The following ASIC2 variants were observed in gnomAD, a reference collection of about 807,000 sequenced individuals.
ASIC2 encodes acid-sensing ion channel 2.
A neutral mutation model predicts 57.3 loss-of-function variants in ASIC2; 25 were observed. The observed-to-expected ratio is 0.44, with a 90% CI of 0.32 to 0.61. The LOEUF (loss-of-function observed/expected upper bound fraction) is 0.61, where lower values mean the gene tolerates loss of function less well. ASIC2 is among the 20% of genes least tolerant of loss of function. ASIC2 has a pLI of 0.06. For synonymous variants in ASIC2, 319 were observed against 307.5 expected (o/e 1.04, Z -0.39); for missense variants, 641 against 738.1 (o/e 0.87, Z 1.52).
intron 1 of ASIC2, among the ~76,000 whole-genome samples, chr17:33,228,483 G>T (rs535487476): frequency 6.6e-6 from 1 of 152,228 alleles, no homozygotes; most frequent in African/African-American, 2.4e-5. Context: ...TCACATCCAC[G>T]TGCGCATGGC....
intron 1 of ASIC2, among the ~76,000 whole-genome samples, chr17:33,271,331 C>A (rs73281666): frequency 0.016 from 2,379 of 152,306 alleles, 64 homozygotes; most frequent in African/African-American, 0.054. Context: ...TGACTAAATG[C>A]CACTATTCCA....
At chr17:33,998,014 G>C (rs557110582) in intron 1 of ASIC2, among the ~76,000 whole-genome samples, 34 of 152,090 alleles carry the variant, frequency 2.2e-4, no homozygotes, top group Non-Finnish European at 4.6e-4. Flanking sequence ...GAAGCCATCA[G>C]GTCCCAGGCT....
Position 33,013,836 on chromosome 17 carries a change from C to T in ASIC2, c.*129G>A. The T allele has an allele frequency of 1.2e-6, 1 of 804,732 alleles. No individual in the cohort carries two copies. The highest frequency in any genetic ancestry group is 2.1e-6 in the Non-Finnish European group (1 of 486,732). 49.8% of individuals were successfully genotyped at this position (804,732 alleles called of 1,614,324 possible). The stretch of plus-strand genomic sequence containing the variant: ...GAGCGAGGTCTAGGCAGCTAGTCTG[C>T]AATGTGTGCATAGGGGGCTCTTGCT... On this transcript the variant is annotated 3_prime_UTR_variant, in exon 10 of 10. Transcript: ENST00000225823.
chr17:33,237,621 C>T (rs172770), intron 1 of ASIC2, among the ~76,000 whole-genome samples: 105,089 of 152,098 alleles, frequency 0.69, 36,840 homozygotes, highest in Middle Eastern at 0.81. Context: ...TGTGAGCCAC[C>T]GCGCCCGGCC....
At chr17:33,546,102 T>A (rs1373498112) in intron 1 of ASIC2, among the ~76,000 whole-genome samples, 1 of 151,370 alleles carries the variant, frequency 6.6e-6, no homozygotes, top group African/African-American at 2.4e-5. Flanking sequence ...AGTTTTCTCA[T>A]ATATATGTGC....
chr17:33,949,945 C>A (rs1023942283), intron 1 of ASIC2, among the ~76,000 whole-genome samples: 25 of 152,252 alleles, frequency 1.6e-4, no homozygotes, highest in Admixed American at 4.6e-4. Flanking sequence ...TCAGAGTGTC[C>A]ACTTTCGAAT....
intron 1 of ASIC2, among the ~76,000 whole-genome samples, chr17:34,109,444 A>C (rs1038462967): frequency 6.6e-6 from 1 of 152,042 alleles, no homozygotes; most frequent in Non-Finnish European, 1.5e-5. Context: ...GTTCCAAGAC[A>C]AAGGTAAGTG....
intron 1 of ASIC2, among the ~76,000 whole-genome samples, chr17:33,820,131 T>A (rs544200161): frequency 6.6e-6 from 1 of 152,346 alleles, no homozygotes; most frequent in African/African-American, 2.4e-5. Flanking sequence ...ACTGAATATC[T>A]GGATTTCAAA....
chr17:33,548,406 T>G (rs1915646225), intron 1 of ASIC2, among the ~76,000 whole-genome samples: 2 of 152,212 alleles, frequency 1.3e-5, no homozygotes, highest in African/African-American at 4.8e-5. Context: ...TGTGCAGAAG[T>G]ACATTTCCTT....
rs141759997 is a variant in ASIC2 at position 33,155,628 on chromosome 17, C to T, written c.709-43561G>A. 8.7e-3 allele frequency among the ~76,000 whole-genome samples: 1,252 copies of T among 143,438 alleles called. 9 individuals carry two copies. The highest frequency in any genetic ancestry group is 0.024 in the South Asian group (112 of 4,584). 94.1% of individuals were successfully genotyped at this position (143,438 alleles called of 152,430 possible). A position where few individuals can be genotyped will look rare whatever the true frequency, so the allele number is the denominator to read the frequency against. ...AGGCTGGAGTGCACTGGCAGGATCT[C>T]GGATCACTGCAACCTCAGCCTCCCG... On this transcript the variant is annotated intron_variant, in intron 1 of 9. Transcript: ENST00000225823.
intron 1 of ASIC2, among the ~76,000 whole-genome samples, chr17:33,633,245 G>A (rs988640790): frequency 2.6e-5 from 4 of 152,300 alleles, no homozygotes; most frequent in Middle Eastern, 3.4e-3. Context: ...TGACCTGTGC[G>A]AGGGTCCAAA....
intron 1 of ASIC2, among the ~76,000 whole-genome samples, chr17:33,427,202 A>G (rs941963210): frequency 6.6e-6 from 1 of 152,208 alleles, no homozygotes; most frequent in Non-Finnish European, 1.5e-5. Flanking sequence ...ACAGGAGTGT[A>G]ATGATTGGAT....
chr17:33,227,644 G>C (rs1313001035), intron 1 of ASIC2, among the ~76,000 whole-genome samples: 2 of 152,128 alleles, frequency 1.3e-5, no homozygotes, highest in African/African-American at 4.8e-5. Flanking sequence ...AAGTACCACA[G>C]GCCACAGTAC....
chr17:33,498,756 G>A (rs748373980), intron 1 of ASIC2, among the ~76,000 whole-genome samples: 1 of 152,174 alleles, frequency 6.6e-6, no homozygotes, highest in Non-Finnish European at 1.5e-5. Flanking sequence ...TGCAATGAAT[G>A]CTCTTCCCAA....
At chr17:33,015,123 A>G (rs1425316617) in intron 9 of ASIC2, among the ~76,000 whole-genome samples, 1 of 152,214 alleles carries the variant, frequency 6.6e-6, no homozygotes, top group Non-Finnish European at 1.5e-5. Flanking sequence ...TGTGTGGAAC[A>G]GAAATGGAAT....
At chr17:33,681,310 G>A (rs536335575) in intron 1 of ASIC2, among the ~76,000 whole-genome samples, 132 of 152,252 alleles carry the variant, frequency 8.7e-4, no homozygotes, top group African/African-American at 3.1e-3. Flanking sequence ...TCTTTGTTGT[G>A]GGGCTGTTCT....
chr17:34,118,537 C>T (rs1598035494), intron 1 of ASIC2: 1 of 152,216 alleles, frequency 6.6e-6, no homozygotes, highest in East Asian at 1.9e-4. Context: ...ACAGACCAGC[C>T]ACGTTCTTGG....
At chr17:33,986,911 A>C (rs1905838859) in intron 1 of ASIC2, among the ~76,000 whole-genome samples, 1 of 152,214 alleles carries the variant, frequency 6.6e-6, no homozygotes, top group African/African-American at 2.4e-5. Context: ...TTCAAATGCC[A>C]AGGTACGGAA....
intron 1 of ASIC2, among the ~76,000 whole-genome samples, chr17:34,112,714 C>A (rs558394605): frequency 1.3e-5 from 2 of 152,152 alleles, no homozygotes; most frequent in East Asian, 3.9e-4. Flanking sequence ...TTGTTACAGG[C>A]TGGGTAGTGA....
Sources: gnomAD v4.1 joint callset for allele counts (sites outside exome capture counted in the v4.1 genomes callset) on GRCh38, gnomAD v4.1.1 for gene constraint, MANE v1.5 for transcripts, NCBI Gene and HGNC (gene_info 2026-07-23, HGNC 2026-07-21) for gene names.